The following SKIC2 variants were observed in gnomAD, a reference collection of about 807,000 sequenced individuals.
SKIC2 encodes the protein SKI2 subunit of superkiller complex.
chr6:31,963,699 C>A, the SKIC2 span: 1 of 1,552,322 alleles, frequency 6.4e-7, no homozygotes. This position sits in a 1 kb window ranked among gnomAD's most constrained non-coding sequence, Gnocchi z 5.3. Flanking sequence ...ACCTTTGGGG[C>A]CAAGCAGCCC....
the SKIC2 span, chr6:31,968,163 A>C: frequency 6.4e-7 from 1 of 1,570,896 alleles, no homozygotes; most frequent in Non-Finnish European, 8.7e-7. This position sits in a 1 kb window ranked among gnomAD's most constrained non-coding sequence, Gnocchi z 6.1. Context: ...AGTTTCCTCC[A>C]GCCTGAGGGA....
the SKIC2 span, chr6:31,964,259 C>T: frequency 1.2e-5 from 20 of 1,612,942 alleles, no homozygotes; most frequent in African/African-American, 1.9e-4. The surrounding 1 kb of genome is among the most constrained non-coding windows in gnomAD (Gnocchi z 5.0). Context: ...GCTCCTGAAT[C>T]GCGGCCTGGG....
the SKIC2 span, chr6:31,963,918 C>G: frequency 6.2e-7 from 1 of 1,610,086 alleles, no homozygotes; most frequent in Non-Finnish European, 8.5e-7. The surrounding 1 kb of genome is among the most constrained non-coding windows in gnomAD (Gnocchi z 5.3). Flanking sequence ...TCCAGGACCG[C>G]GGAGTGTACC....
At chr6:31,967,509 T>A in the SKIC2 span, 1 of 588,580 alleles carries the variant, frequency 1.7e-6, no homozygotes, top group Non-Finnish European at 2.7e-6. This position sits in a 1 kb window ranked among gnomAD's most constrained non-coding sequence, Gnocchi z 4.9. Context: ...CTTTTCACCC[T>A]CTCCCTTCCC....
the SKIC2 span, chr6:31,964,126 G>C: frequency 6.2e-7 from 1 of 1,604,966 alleles, no homozygotes; most frequent in Non-Finnish European, 8.5e-7. This position sits in a 1 kb window ranked among gnomAD's most constrained non-coding sequence, Gnocchi z 5.0. Flanking sequence ...GCTGCCCCAG[G>C]TGCGTCTGTG....
chr6:31,962,758 G>A, the SKIC2 span: 1 of 1,612,762 alleles, frequency 6.2e-7, no homozygotes, highest in Non-Finnish European at 8.5e-7. The surrounding 1 kb of genome is among the most constrained non-coding windows in gnomAD (Gnocchi z 5.0). Context: ...GACCTGGAGT[G>A]GGTCATCTTT....
chr6:31,967,665 G>C, the SKIC2 span: 1 of 1,601,112 alleles, frequency 6.2e-7, no homozygotes, highest in South Asian at 1.1e-5. This position sits in a 1 kb window ranked among gnomAD's most constrained non-coding sequence, Gnocchi z 4.9. Flanking sequence ...CTCTGCCTTT[G>C]ATGTCTACTC....
the SKIC2 span, chr6:31,963,920 G>C: frequency 6.2e-7 from 1 of 1,610,496 alleles, no homozygotes; most frequent in Non-Finnish European, 8.5e-7. The surrounding 1 kb of genome is among the most constrained non-coding windows in gnomAD (Gnocchi z 5.3). Flanking sequence ...CAGGACCGCG[G>C]AGTGTACCTG....
the SKIC2 span, chr6:31,969,160 C>T: frequency 1.3e-6 from 2 of 1,544,098 alleles, no homozygotes; most frequent in Non-Finnish European, 1.8e-6. The surrounding 1 kb of genome is among the most constrained non-coding windows in gnomAD (Gnocchi z 6.1). Flanking sequence ...GGTAGTCCCC[C>T]AGGTGACCCC....
At chr6:31,962,651 G>A in the SKIC2 span, 1 of 1,606,906 alleles carries the variant, frequency 6.2e-7, no homozygotes, top group East Asian at 2.2e-5. This position sits in a 1 kb window ranked among gnomAD's most constrained non-coding sequence, Gnocchi z 5.0. Context: ...TGGAGAGTGT[G>A]CTGTCTGAGG....
At chr6:31,965,666 C>A in the SKIC2 span, 2 of 643,908 alleles carry the variant, frequency 3.1e-6, no homozygotes, top group East Asian at 5.2e-5. The surrounding 1 kb of genome is among the most constrained non-coding windows in gnomAD (Gnocchi z 5.6). Flanking sequence ...CAGTGAGATC[C>A]CATAAGTAAC....
chr6:31,967,582 C>G, the SKIC2 span: 2 of 1,024,384 alleles, frequency 2.0e-6, no homozygotes, highest in Non-Finnish European at 2.9e-6. The surrounding 1 kb of genome is among the most constrained non-coding windows in gnomAD (Gnocchi z 4.9). Flanking sequence ...GATCGCTTGA[C>G]TTGGTTGCCC....
chr6:31,960,383 T>G, the SKIC2 span: 5 of 1,595,142 alleles, frequency 3.1e-6, no homozygotes, highest in African/African-American at 6.7e-5. Context: ...GAAGGGGAGG[T>G]GGTCAGAGAC....
the SKIC2 span, chr6:31,966,958 G>A: frequency 6.2e-7 from 1 of 1,613,218 alleles, no homozygotes; most frequent in Non-Finnish European, 8.5e-7. The surrounding 1 kb of genome is among the most constrained non-coding windows in gnomAD (Gnocchi z 5.9). Flanking sequence ...GTGACAGATT[G>A]GGCCTGGAGA....
At chr6:31,968,036 GAGA>G in the SKIC2 span, 4 of 1,612,976 alleles carry the variant, frequency 2.5e-6, no homozygotes, top group African/African-American at 5.3e-5. The surrounding 1 kb of genome is among the most constrained non-coding windows in gnomAD (Gnocchi z 6.1). Flanking sequence ...GGTGAATGGG[GAGA>G]AGATCTTGGA....
At chr6:31,960,980 A>G in the SKIC2 span, 15 of 1,231,834 alleles carry the variant, frequency 1.2e-5, no homozygotes, top group Admixed American at 3.4e-5. Context: ...TTAGGTTTAT[A>G]TAATGTACAC....
chr6:31,963,949 C>T, the SKIC2 span: 48 of 1,611,918 alleles, frequency 3.0e-5, no homozygotes, highest in South Asian at 1.9e-4. This position sits in a 1 kb window ranked among gnomAD's most constrained non-coding sequence, Gnocchi z 5.3. Context: ...GGCCTCCCTC[C>T]GCACACGTGC....
At chr6:31,967,950 T>C in the SKIC2 span, 2 of 1,612,972 alleles carry the variant, frequency 1.2e-6, no homozygotes, top group African/African-American at 1.3e-5. This position sits in a 1 kb window ranked among gnomAD's most constrained non-coding sequence, Gnocchi z 4.9. Context: ...TCTCCCCTTT[T>C]CACAGGGCCT....
the SKIC2 span, chr6:31,962,783 T>C: frequency 6.2e-7 from 1 of 1,611,142 alleles, no homozygotes. The surrounding 1 kb of genome is among the most constrained non-coding windows in gnomAD (Gnocchi z 5.0). Flanking sequence ...AGGTTCACTA[T>C]ATCAACGATG....
Sources: gnomAD v4.1 joint callset for allele counts on GRCh38, gnomAD v4.1.1 for gene constraint, Gnocchi (gnomAD v3.1) non-coding constraint, MANE v1.5 for transcripts, NCBI Gene and HGNC (gene_info 2026-07-23, HGNC 2026-07-21) for gene names.